The following PGR variants were observed in gnomAD, a reference collection of about 807,000 sequenced individuals.
PGR encodes the protein progesterone receptor.
PGR carries 25 observed loss-of-function variants against 76.1 expected under a neutral mutation model. That is an observed-to-expected ratio of 0.33 (90% confidence interval 0.24 to 0.46). The LOEUF (loss-of-function observed/expected upper bound fraction) is 0.46. Among genes scored for constraint, PGR ranks in the 20% least tolerant of loss-of-function variants. The pLI is 1.00. For synonymous variants in PGR, 579 were observed against 535.0 expected, an observed-to-expected ratio of 1.08 and a Z score of -1.14; for missense variants, 1,172 against 1,225.3, an observed-to-expected ratio of 0.96 and a Z score of 0.65.
intron 3 of PGR, among the ~76,000 whole-genome samples, chr11:101,086,895 T>C (rs1053185112): frequency 6.9e-6 from 1 of 145,166 alleles, no homozygotes; most frequent in Non-Finnish European, 1.5e-5. Context: ...GAAAGATTTC[T>C]ACATGGATAA....
intron 4 of PGR, among the ~76,000 whole-genome samples, chr11:101,055,268 C>T (rs1334314652): frequency 1.3e-5 from 2 of 151,646 alleles, no homozygotes; most frequent in East Asian, 1.9e-4. Context: ...CAAAAATTAG[C>T]TAGGTGTGGT....
At chr11:101,121,442 G>A (rs1030740205) in intron 2 of PGR, among the ~76,000 whole-genome samples, 1 of 152,154 alleles carries the variant, frequency 6.6e-6, no homozygotes, top group Non-Finnish European at 1.5e-5. Flanking sequence ...CTGTATCAAG[G>A]AGAACTATGC....
rs1046746365 is a variant in PGR, at chr11:101,129,649, G to A, written c.-579C>T. ...GACTTCTGCTGGCTCCGTACTGCGGGCGACAGTCATCTCCGAAGATCTCAG... is the reference window on the plus strand; with the variant it reads ...GACTTCTGCTGGCTCCGTACTGCGGACGACAGTCATCTCCGAAGATCTCAG... On this transcript the variant is annotated 5_prime_UTR_variant, in exon 1 of 8. Transcript: ENST00000325455. The A allele has an allele frequency of 5.5e-6, 1 of 182,048 alleles. No homozygotes were observed. Among genetic ancestry groups the A allele is most frequent in the Non-Finnish European group, 1.2e-5 (1 of 85,548 alleles). The allele number at this position is 182,048 out of a possible 1,614,324, so 11.3% of individuals were successfully genotyped here.
intron 3 of PGR, among the ~76,000 whole-genome samples, chr11:101,068,645 G>A (rs1860808425): frequency 6.6e-6 from 1 of 152,142 alleles, no homozygotes; most frequent in African/African-American, 2.4e-5. Flanking sequence ...AACTAAAACA[G>A]CATGGTACTG....
At position 101,062,432 on chromosome 11, in the gene PGR, A is replaced by T. The variant is rs1860536323; in HGVS notation, c.2212+15T>A. ...ATATTTTTTATTACATGCTGTATATAAAAATTATTATTACCTGGCAATGAT... is the reference window on the plus strand; with the variant it reads ...ATATTTTTTATTACATGCTGTATATTAAAATTATTATTACCTGGCAATGAT... On this transcript the variant is annotated intron_variant, in intron 4 of 7. Transcript: ENST00000325455. 6.3e-7 allele frequency: 1 copy of T among 1,593,242 alleles called. No individual in the cohort carries two copies.
chr11:101,109,019 T>C (rs928391497), intron 2 of PGR, among the ~76,000 whole-genome samples: 1 of 152,206 alleles, frequency 6.6e-6, no homozygotes, highest in African/African-American at 2.4e-5. Flanking sequence ...AGATCTTTGA[T>C]GTTATTACTG....
chr11:101,101,322 T>C (rs1861990930), intron 2 of PGR, among the ~76,000 whole-genome samples: 4 of 152,316 alleles, frequency 2.6e-5, no homozygotes, highest in Middle Eastern at 3.4e-3. Flanking sequence ...AGGAACTCAC[T>C]GGAAACCACT....
At chr11:101,086,340 C>T (rs910425976) in intron 3 of PGR, among the ~76,000 whole-genome samples, 2 of 151,962 alleles carry the variant, frequency 1.3e-5, no homozygotes, top group Non-Finnish European at 2.9e-5. Flanking sequence ...AAAATAAAAC[C>T]ATATGATCAT....
At chr11:101,050,179 T>C in intron 5 of PGR, 120 bp from the exon 6 acceptor site, 1 of 952,656 alleles carries the variant, frequency 1.0e-6, no homozygotes, top group Non-Finnish European at 1.6e-6. Flanking sequence ...TTATTGAAAA[T>C]GACTACTACT....
chr11:101,043,190 A>C (rs2135381431), intron 6 of PGR, among the ~76,000 whole-genome samples: 1 of 152,322 alleles, frequency 6.6e-6, no homozygotes, highest in Non-Finnish European at 1.5e-5. Context: ...TTATCAACTA[A>C]GTTTATGTAA....
intron 3 of PGR, among the ~76,000 whole-genome samples, chr11:101,066,965 C>T (rs1860741834): frequency 6.6e-6 from 1 of 152,194 alleles, no homozygotes; most frequent in Non-Finnish European, 1.5e-5. Flanking sequence ...CTTAATCAGA[C>T]TATGTCATTC....
At chr11:101,051,380 C>A (rs749198023) in intron 5 of PGR, 44 bp downstream of exon 5, 2 of 1,303,308 alleles carry the variant, frequency 1.5e-6, no homozygotes, top group Non-Finnish European at 2.2e-6. Flanking sequence ...AATTATCCTA[C>A]ATGTACACTT....
chr11:101,043,817 G>GT (rs1439176711), intron 6 of PGR, among the ~76,000 whole-genome samples: 1 of 152,190 alleles, frequency 6.6e-6, no homozygotes, highest in African/African-American at 2.4e-5. Context: ...TTTCTGAGCA[G>GT]TAAGTCTCAA....
chr11:101,075,629 AAAAC>A (rs1292984918), intron 3 of PGR, among the ~76,000 whole-genome samples: 1 of 151,484 alleles, frequency 6.6e-6, no homozygotes, highest in Admixed American at 6.6e-5. Flanking sequence ...TACAAAAAAA[AAAAC>A]AAAAAACAAC....
chr11:101,091,120 C>T (rs1464191754), intron 3 of PGR, among the ~76,000 whole-genome samples: 3 of 152,118 alleles, frequency 2.0e-5, no homozygotes, highest in South Asian at 2.1e-4. Context: ...AACTGTGGCT[C>T]GCTTGATCTC....
chr11:101,098,305 G>A (rs1861897585), intron 2 of PGR, among the ~76,000 whole-genome samples: 1 of 152,116 alleles, frequency 6.6e-6, no homozygotes, highest in African/African-American at 2.4e-5. Context: ...CTCAATATGA[G>A]CACAAGTGAA....
chr11:101,089,742 G>A (rs896203481), intron 3 of PGR, among the ~76,000 whole-genome samples: 3 of 152,048 alleles, frequency 2.0e-5, no homozygotes, highest in Admixed American at 6.6e-5. Context: ...GGAAAGGAGG[G>A]AGAGATGGAG....
chr11:101,061,269 C>A (rs1860488040), intron 4 of PGR, among the ~76,000 whole-genome samples: 1 of 152,082 alleles, frequency 6.6e-6, no homozygotes, highest in South Asian at 2.1e-4. Context: ...CTGTTTAAGG[C>A]CTTTTGGTGA....
At chr11:101,049,273 C>T (rs1302096260) in intron 6 of PGR, among the ~76,000 whole-genome samples, 1 of 152,026 alleles carries the variant, frequency 6.6e-6, no homozygotes, top group Non-Finnish European at 1.5e-5. Flanking sequence ...GTGACGTATG[C>T]CCTTTTCTGG....
Sources: gnomAD v4.1 joint callset for allele counts (sites outside exome capture counted in the v4.1 genomes callset) on GRCh38, gnomAD v4.1.1 for gene constraint, MANE v1.5 for transcripts, NCBI Gene and HGNC (gene_info 2026-07-23, HGNC 2026-07-21) for gene names.